Variants in PBX1 observed in about 807,000 individuals in gnomAD.
The protein encoded by PBX1 is pre-B-cell leukemia transcription factor 1.
Under a neutral mutation model 53.4 loss-of-function variants are expected in PBX1, and 6 were observed. The ratio of observed to expected loss-of-function variants is 0.11; its 90% CI spans 0.06 to 0.22. The LOEUF is 0.22. PBX1 is among the 10% of genes least tolerant of loss of function. The pLI, the probability that PBX1 is intolerant of heterozygous loss-of-function variation, is 1.00. For synonymous variants in PBX1, 204 were observed against 212.3 expected (o/e 0.96, Z 0.34); for missense variants, 251 against 551.4 (o/e 0.46, Z 5.46).
chr1:164,701,547 C>T (rs1389714209), intron 2 of PBX1, among the ~76,000 whole-genome samples: 2 of 152,228 alleles, frequency 1.3e-5, no homozygotes, highest in African/African-American at 4.8e-5. Flanking sequence ...ATTTCACAAA[C>T]ACTGTCAATG....
At chr1:164,606,887 C>CGA in intron 2 of PBX1, among the ~76,000 whole-genome samples, 1 of 152,312 alleles carries the variant, frequency 6.6e-6, no homozygotes, top group Non-Finnish European at 1.5e-5. Flanking sequence ...ATTTCAGACT[C>CGA]TTATAAAATC....
At chr1:164,571,127 G>A (rs1653818030) in intron 2 of PBX1, among the ~76,000 whole-genome samples, 1 of 152,116 alleles carries the variant, frequency 6.6e-6, no homozygotes, top group Admixed American at 6.5e-5. Context: ...CATAAGGACA[G>A]CCTTGATTCA....
chr1:164,623,420 C>T (rs752299123), intron 2 of PBX1, among the ~76,000 whole-genome samples: 4 of 152,158 alleles, frequency 2.6e-5, no homozygotes, highest in South Asian at 4.1e-4. Flanking sequence ...AAGGAGATTT[C>T]TGAATTTTAT....
intron 2 of PBX1, among the ~76,000 whole-genome samples, chr1:164,746,420 A>C (rs530848964): frequency 9.9e-5 from 15 of 152,198 alleles, no homozygotes; most frequent in African/African-American, 3.6e-4. Flanking sequence ...TCTGTTGCCC[A>C]GGCTGGAGTG....
chr1:164,583,279 G>A (rs1654740208), intron 2 of PBX1, among the ~76,000 whole-genome samples: 1 of 143,792 alleles, frequency 7.0e-6, no homozygotes, highest in Admixed American at 7.4e-5. Context: ...GCCAAGAGAG[G>A]CGGGAAAAAA....
intron 2 of PBX1, among the ~76,000 whole-genome samples, chr1:164,712,931 A>G (rs986086221): frequency 1.3e-5 from 2 of 152,136 alleles, no homozygotes; most frequent in Non-Finnish European, 2.9e-5. Flanking sequence ...CTGGACGACG[A>G]CTTCATGGCA....
intron 2 of PBX1, among the ~76,000 whole-genome samples, chr1:164,661,387 G>A (rs1660479573): frequency 6.7e-6 from 1 of 150,346 alleles, no homozygotes; most frequent in African/African-American, 2.5e-5. Context: ...CCCTGATATT[G>A]TGGTCTAGGG....
intron 8 of PBX1, among the ~76,000 whole-genome samples, chr1:164,833,036 C>CTAA (rs1670844744): frequency 6.6e-6 from 1 of 151,952 alleles, no homozygotes; most frequent in Admixed American, 6.6e-5. Flanking sequence ...GTATTAATAG[C>CTAA]TAACATTTAT....
At chr1:164,684,881 A>T (rs1662010861) in intron 2 of PBX1, 1 of 152,232 alleles carries the variant, frequency 6.6e-6, no homozygotes, top group East Asian at 1.9e-4. Flanking sequence ...TAATACTGAA[A>T]GTAAATAAAC....
At position 164,667,985 on chromosome 1, in the gene PBX1, C is replaced by T. The variant is rs186893033; in HGVS notation, c.265+104674C>T. On this transcript the variant is annotated intron_variant, in intron 2 of 8. Transcript: ENST00000420696. ...ATGGCTGCCCCCTTCTCCCACTTCT[C>T]CCTCCAGAGTGGGTGGAGTGCTATT... 5.7e-3 allele frequency among the ~76,000 whole-genome samples: 864 copies of T among 152,332 alleles called. 8 individuals are homozygous for T. Among genetic ancestry groups the T allele is most frequent in the African/African-American group, 0.02 (822 of 41,584 alleles).
intron 2 of PBX1, among the ~76,000 whole-genome samples, chr1:164,883,694 T>A (rs572897363): frequency 7.2e-5 from 11 of 152,322 alleles, no homozygotes; most frequent in African/African-American, 2.4e-4. Flanking sequence ...TCTTTATCCC[T>A]GGCCATAAAA....
chr1:164,868,232 T>A (rs1462440379), intron 2 of PBX1, among the ~76,000 whole-genome samples: 4 of 152,156 alleles, frequency 2.6e-5, no homozygotes, highest in Admixed American at 2.0e-4. Flanking sequence ...CCATTTTTTT[T>A]AAACAGTGTC....
chr1:164,672,582 T>A (rs1202159318), intron 2 of PBX1, among the ~76,000 whole-genome samples: 2 of 152,188 alleles, frequency 1.3e-5, no homozygotes, highest in African/African-American at 2.4e-5. Flanking sequence ...TTCCATAAGA[T>A]TTTTTCCCCC....
chr1:164,700,219 G>A (rs958810582), intron 2 of PBX1, among the ~76,000 whole-genome samples: 6 of 152,186 alleles, frequency 3.9e-5, no homozygotes, highest in Admixed American at 6.5e-5. Flanking sequence ...GGAAGCCAGC[G>A]TGTGTAGAGG....
intron 2 of PBX1, among the ~76,000 whole-genome samples, chr1:164,736,167 C>G (rs557688743): frequency 6.6e-6 from 1 of 152,332 alleles, no homozygotes; most frequent in East Asian, 1.9e-4. Flanking sequence ...CCCCTCCCTT[C>G]ACCCTGACTA....
intron 2 of PBX1, among the ~76,000 whole-genome samples, chr1:164,623,845 T>A (rs1168962081): frequency 1.3e-5 from 2 of 152,240 alleles, no homozygotes; most frequent in East Asian, 3.9e-4. Context: ...TTTAGAAGCC[T>A]AATTAGTGGA....
chr1:164,767,516 A>T (rs1667122998), intron 2 of PBX1, among the ~76,000 whole-genome samples: 1 of 151,996 alleles, frequency 6.6e-6, no homozygotes, highest in African/African-American at 2.4e-5. Context: ...GTCCAACTGC[A>T]CTCTACTCCT....
At chr1:164,717,306 T>A (rs1664160335) in intron 2 of PBX1, among the ~76,000 whole-genome samples, 1 of 152,120 alleles carries the variant, frequency 6.6e-6, no homozygotes, top group Non-Finnish European at 1.5e-5. Flanking sequence ...CTGGAGGTAT[T>A]TCTTTGGAGA....
At chr1:164,607,467 T>C (rs1656633928) in intron 2 of PBX1, among the ~76,000 whole-genome samples, 1 of 152,126 alleles carries the variant, frequency 6.6e-6, no homozygotes, top group Admixed American at 6.5e-5. Flanking sequence ...ATATCAAGAT[T>C]ACCAGAGGCT....
Sources: allele counts gnomAD v4.1 joint callset (sites outside exome capture counted in the v4.1 genomes callset), GRCh38; gene constraint gnomAD v4.1.1; transcripts MANE v1.5; gene names NCBI Gene and HGNC (gene_info 2026-07-23, HGNC 2026-07-21).